The following SUPT3H variants were observed in gnomAD, a reference collection of about 807,000 sequenced individuals.
SUPT3H encodes the protein transcription initiation protein SPT3 homolog.
In SUPT3H, 44 loss-of-function variants were observed where a neutral mutation model predicts 44.3. The ratio of observed to expected loss-of-function variants is 0.99; its 90% CI spans 0.78 to 1.28. SUPT3H has a LOEUF of 1.28. Ranked by LOEUF, SUPT3H falls within the 50% of genes most tolerant of loss-of-function variation. The pLI is 0.00. For missense variants in SUPT3H, 380 were observed against 387.1 expected, an observed-to-expected ratio of 0.98 and a Z score of 0.15; for synonymous variants, 124 against 125.6, an observed-to-expected ratio of 0.99 and a Z score of 0.09.
At chr6:45,141,039 A>G (rs952561306) in intron 2 of SUPT3H, among the ~76,000 whole-genome samples, 1 of 152,190 alleles carries the variant, frequency 6.6e-6, no homozygotes, top group Non-Finnish European at 1.5e-5. Flanking sequence ...CTGCATTGCC[A>G]CATAAAGAAT....
At chr6:45,369,410 T>A (rs1795674662) in intron 1 of SUPT3H, among the ~76,000 whole-genome samples, 1 of 152,214 alleles carries the variant, frequency 6.6e-6, no homozygotes, top group South Asian at 2.1e-4. Context: ...TTAGTTTATA[T>A]TAGTTTAATA....
At chr6:44,975,590 GA>G (rs1778213369) in intron 6 of SUPT3H, among the ~76,000 whole-genome samples, 1 of 151,534 alleles carries the variant, frequency 6.6e-6, no homozygotes, top group Non-Finnish European at 1.5e-5. Flanking sequence ...GGAAGGGTGG[GA>G]GGGGGTGAGG....
intron 3 of SUPT3H, among the ~76,000 whole-genome samples, chr6:45,099,870 G>A (rs1453453510): frequency 1.3e-5 from 2 of 152,116 alleles, no homozygotes; most frequent in Non-Finnish European, 2.9e-5. Context: ...TAACTTCGAT[G>A]TGCAAAGAAC....
At chr6:45,318,408 G>A (rs958436997) in intron 2 of SUPT3H, among the ~76,000 whole-genome samples, 19 of 151,998 alleles carry the variant, frequency 1.3e-4, no homozygotes, top group Non-Finnish European at 7.4e-5. Flanking sequence ...TGTAAACTGT[G>A]GACTTTAGCT....
intron 2 of SUPT3H, among the ~76,000 whole-genome samples, chr6:45,319,554 C>A (rs1382071038): frequency 6.6e-6 from 1 of 152,054 alleles, no homozygotes; most frequent in Non-Finnish European, 1.5e-5. Flanking sequence ...AGAATACAAG[C>A]TCAATTTTTA....
chr6:45,020,918 G>A (rs951135364), intron 3 of SUPT3H, among the ~76,000 whole-genome samples: 5 of 151,794 alleles, frequency 3.3e-5, no homozygotes, highest in Admixed American at 1.3e-4. Context: ...ATGCATTAAT[G>A]CACCTGAAAA....
chr6:45,113,632 A>G (rs1284979), intron 2 of SUPT3H, among the ~76,000 whole-genome samples: 1 of 151,960 alleles, frequency 6.6e-6, no homozygotes, highest in East Asian at 1.9e-4. Flanking sequence ...TCCAGACCAG[A>G]CTGGCCAACA....
At chr6:45,238,546 C>T (rs6927213) in intron 2 of SUPT3H, among the ~76,000 whole-genome samples, 33,334 of 152,080 alleles carry the variant, frequency 0.22, 4,474 homozygotes, top group Non-Finnish European at 0.31. Flanking sequence ...AAAGGCAAGT[C>T]CATAAAGCTC....
chr6:45,202,190 A>G (rs1463465207), intron 2 of SUPT3H, among the ~76,000 whole-genome samples: 1 of 151,992 alleles, frequency 6.6e-6, no homozygotes, highest in Non-Finnish European at 1.5e-5. Flanking sequence ...AACTCTTTTG[A>G]CATACCCAAT....
intron 2 of SUPT3H, among the ~76,000 whole-genome samples, chr6:45,227,136 C>T (rs1361612700): frequency 8.6e-5 from 13 of 151,406 alleles, no homozygotes; most frequent in Non-Finnish European, 1.3e-4. Flanking sequence ...AGCCACAATG[C>T]CCAGCCAAAA....
intron 9 of SUPT3H, among the ~76,000 whole-genome samples, chr6:44,948,114 G>C (rs934985187): frequency 6.6e-6 from 1 of 152,164 alleles, no homozygotes; most frequent in Non-Finnish European, 1.5e-5. Context: ...GGTTGTGGAT[G>C]TGTGGTATTA....
chr6:44,929,605 A>C (rs185932669), intron 10 of SUPT3H, among the ~76,000 whole-genome samples: 108 of 152,298 alleles, frequency 7.1e-4, no homozygotes, highest in African/African-American at 2.5e-3. Context: ...GATTACTATA[A>C]AAGCAGTCCA....
chr6:44,925,465 T>C (rs1769377348), intron 10 of SUPT3H, among the ~76,000 whole-genome samples: 1 of 152,218 alleles, frequency 6.6e-6, no homozygotes, highest in South Asian at 2.1e-4. Flanking sequence ...TTAACATTTT[T>C]CTACTGTGAA....
chr6:44,937,350 C>T (rs1428738339), intron 9 of SUPT3H, among the ~76,000 whole-genome samples: 3 of 151,928 alleles, frequency 2.0e-5, no homozygotes, highest in Non-Finnish European at 4.4e-5. Flanking sequence ...AAAAATTAGC[C>T]AGGTGTGATG....
chr6:45,337,541 G>A (rs886102905), intron 2 of SUPT3H, among the ~76,000 whole-genome samples: 2 of 151,658 alleles, frequency 1.3e-5, no homozygotes, highest in African/African-American at 4.8e-5. Context: ...CTTTTGCTAC[G>A]CCATAATGAT....
chr6:45,320,228 A>G (rs958076547), intron 2 of SUPT3H, among the ~76,000 whole-genome samples: 4 of 152,056 alleles, frequency 2.6e-5, no homozygotes, highest in African/African-American at 4.8e-5. Flanking sequence ...TGCCTGTTCT[A>G]TAAGAGGAGT....
chr6:45,128,555 T>TACAC (rs1271230567), intron 2 of SUPT3H, among the ~76,000 whole-genome samples: 2 of 58,294 alleles, frequency 3.4e-5, no homozygotes, highest in African/African-American at 1.5e-4. Flanking sequence ...TATATATATA[T>TACAC]ATACACACAC....
chr6:44,928,869 C>A (rs1210770257), intron 10 of SUPT3H, among the ~76,000 whole-genome samples: 1 of 33,934 alleles, frequency 2.9e-5, no homozygotes, highest in Admixed American at 4.6e-4. Context: ...GGCGACAGAA[C>A]GAGACTCCGT....
At chr6:45,009,892 T>C (rs1246326837) in intron 5 of SUPT3H, among the ~76,000 whole-genome samples, 1 of 152,154 alleles carries the variant, frequency 6.6e-6, no homozygotes, top group Non-Finnish European at 1.5e-5. Context: ...AGTGTATTCA[T>C]TTCTACAAAA....
Sources: gnomAD v4.1 joint callset for allele counts (sites outside exome capture counted in the v4.1 genomes callset) on GRCh38, gnomAD v4.1.1 for gene constraint, MANE v1.5 for transcripts, NCBI Gene and HGNC (gene_info 2026-07-23, HGNC 2026-07-21) for gene names.